The following DYM variants were observed in gnomAD, a reference collection of about 807,000 sequenced individuals.
The protein encoded by DYM is dyggve-Melchior-Clausen syndrome protein.
Under a neutral mutation model 93.1 loss-of-function variants are expected in DYM, and 78 were observed. That is an observed-to-expected ratio of 0.84 (90% CI 0.70 to 1.01). The LOEUF is 1.01. Among genes scored for constraint, DYM ranks in the 50% least tolerant of loss-of-function variants. The pLI, the probability that DYM is intolerant of heterozygous loss-of-function variation, is 0.00. For missense variants in DYM, 789 were observed against 845.0 expected, an observed-to-expected ratio of 0.93 and a Z score of 0.82; for synonymous variants, 321 against 319.7, an observed-to-expected ratio of 1.00 and a Z score of -0.04.
At chr18:49,321,061 T>C (rs1000560190) in intron 8 of DYM, 7 of 246,184 alleles carry the variant, frequency 2.8e-5, no homozygotes, top group Admixed American at 5.5e-5. Context: ...AATTTAACAG[T>C]TTCAAAGCAA....
intron 16 of DYM, among the ~76,000 whole-genome samples, chr18:49,100,085 A>G (rs1159442689): frequency 3.3e-5 from 5 of 152,172 alleles, no homozygotes; most frequent in South Asian, 2.1e-4. Context: ...AGGAACTCCT[A>G]TCTCCTCCCT....
At chr18:49,344,204 A>T (rs1336295491) in intron 6 of DYM, among the ~76,000 whole-genome samples, 2 of 152,186 alleles carry the variant, frequency 1.3e-5, no homozygotes, top group Admixed American at 6.6e-5. Context: ...AAAACCCTGG[A>T]ACAGCCATTT....
intron 17 of DYM, chr18:49,048,562 C>T (rs768343475): frequency 1.4e-4 from 22 of 152,274 alleles, no homozygotes; most frequent in Non-Finnish European, 2.1e-4. Flanking sequence ...GGCTGCTTTC[C>T]GCATCTCTAA....
intron 6 of DYM, among the ~76,000 whole-genome samples, chr18:49,338,419 T>C (rs1033061386): frequency 2.6e-5 from 4 of 152,178 alleles, no homozygotes; most frequent in South Asian, 2.1e-4. Flanking sequence ...ACTGCATAAA[T>C]TGACTCACTT....
chr18:49,038,697 TTTC>T lies in DYM; in HGVS notation c.*5355_*5357del, dbSNP rs777974889. On this transcript the variant is annotated 3_prime_UTR_variant, in exon 18 of 18. Coordinates refer to ENST00000675505, the MANE Select transcript of DYM (RefSeq NM_001353214.3). ...TCTATTTGTTCCACCTGTTCTGCTT[TTTC>T]TTCTTTCTTAGACTCTTTTGCAATT... is the stretch of plus-strand genomic sequence containing the variant. Among the ~76,000 whole-genome samples the T allele has an allele frequency of 6.6e-6, 1 of 152,228 alleles. No individual in the cohort carries two copies. The highest frequency in any genetic ancestry group is 2.4e-5 in the African/African-American group (1 of 41,464).
At chr18:49,362,265 A>T (rs1421242500) in intron 6 of DYM, among the ~76,000 whole-genome samples, 3 of 152,108 alleles carry the variant, frequency 2.0e-5, no homozygotes, top group African/African-American at 7.2e-5. Flanking sequence ...TAGGAGGCTG[A>T]GGTGGGAGGA....
At chr18:49,113,656 T>C (rs1027306255) in intron 16 of DYM, among the ~76,000 whole-genome samples, 1 of 152,186 alleles carries the variant, frequency 6.6e-6, no homozygotes, top group Admixed American at 6.5e-5. Context: ...CTTCTGAAGG[T>C]TAACTCTATG....
intron 16 of DYM, among the ~76,000 whole-genome samples, chr18:49,107,286 T>C (rs1430968056): frequency 1.3e-5 from 2 of 152,164 alleles, no homozygotes; most frequent in African/African-American, 4.8e-5. Flanking sequence ...TGTGCATTGG[T>C]TATTCTAGTT....
At chr18:49,289,883 G>C (rs2187189) in intron 8 of DYM, among the ~76,000 whole-genome samples, 47,917 of 148,352 alleles carry the variant, frequency 0.32, 9,062 homozygotes, top group Middle Eastern at 0.47. Flanking sequence ...ATGTAATGAT[G>C]ATGAGATGAC....
chr18:49,442,985 G>A lies in DYM; in HGVS notation c.-53-12538C>T, dbSNP rs143060047. Among the ~76,000 whole-genome samples the A allele has an allele frequency of 3.3e-5, 5 of 151,678 alleles. No individual in the cohort carries two copies. In the East Asian group the frequency reaches 9.7e-4, roughly 29 times the overall value. On this transcript the variant is annotated intron_variant, in intron 1 of 17. Coordinates refer to ENST00000675505, the MANE Select transcript of DYM (RefSeq NM_001353214.3). ...CAATCCTCTCATCTCAGCCTCCCTA[G>A]TAGCTGGGACTACAGGCATGCACCA...
At chr18:49,331,470 C>G (rs1204634081) in intron 8 of DYM, among the ~76,000 whole-genome samples, 2 of 152,220 alleles carry the variant, frequency 1.3e-5, no homozygotes, top group Non-Finnish European at 2.9e-5. Context: ...AAAACTGCAC[C>G]TAATTAGTCA....
At chr18:49,169,590 G>A (rs2088385743) in intron 14 of DYM, among the ~76,000 whole-genome samples, 1 of 152,206 alleles carries the variant, frequency 6.6e-6, no homozygotes, top group Admixed American at 6.5e-5. Flanking sequence ...GTTTGGTATT[G>A]AGGTGTGAGG....
chr18:49,208,253 G>A (rs1453385318), intron 14 of DYM, among the ~76,000 whole-genome samples: 1 of 150,238 alleles, frequency 6.7e-6, no homozygotes, highest in African/African-American at 2.5e-5. Flanking sequence ...GAAGTTCAAT[G>A]ATCAGCAGCA....
chr18:49,205,923 A>C (rs1295052915), intron 14 of DYM: 1 of 166,192 alleles, frequency 6.0e-6, no homozygotes, highest in African/African-American at 2.4e-5. Flanking sequence ...GAATTCTTAC[A>C]TTTGGAAGAA....
intron 10 of DYM, among the ~76,000 whole-genome samples, chr18:49,279,421 A>T (rs909424750): frequency 2.0e-5 from 3 of 152,262 alleles, no homozygotes; most frequent in Non-Finnish European, 4.4e-5. Flanking sequence ...TACTGATAAC[A>T]TATTTTCTAA....
chr18:49,353,144 C>T (rs971383110), intron 6 of DYM, among the ~76,000 whole-genome samples: 16 of 152,074 alleles, frequency 1.1e-4, no homozygotes, highest in African/African-American at 3.9e-4. Flanking sequence ...TACACATTTC[C>T]AAGTCACTTC....
At chr18:49,076,216 T>C (rs1202856375) in intron 17 of DYM, among the ~76,000 whole-genome samples, 2 of 152,186 alleles carry the variant, frequency 1.3e-5, no homozygotes, top group Admixed American at 1.3e-4. Flanking sequence ...GATATATGAA[T>C]ATAAAAATAG....
At chr18:49,183,912 G>C (rs999079122) in intron 14 of DYM, among the ~76,000 whole-genome samples, 3 of 152,122 alleles carry the variant, frequency 2.0e-5, no homozygotes, top group Admixed American at 6.6e-5. Context: ...CTCTGTGCAC[G>C]TACTAAGAAG....
At chr18:49,382,764 C>T (rs1433052864) in intron 3 of DYM, among the ~76,000 whole-genome samples, 2 of 152,200 alleles carry the variant, frequency 1.3e-5, no homozygotes, top group African/African-American at 2.4e-5. Flanking sequence ...TTACCTGATG[C>T]TAGAGCTTGA....
Sources: gnomAD v4.1 joint callset for allele counts (sites outside exome capture counted in the v4.1 genomes callset) on GRCh38, gnomAD v4.1.1 for gene constraint, MANE v1.5 for transcripts, NCBI Gene and HGNC (gene_info 2026-07-23, HGNC 2026-07-21) for gene names.